ITGA9: variants seen among roughly 807,000 people sequenced by gnomAD.
The protein encoded by ITGA9 is integrin alpha-9.
ITGA9 carries 56 observed loss-of-function variants against 127.8 expected under a neutral mutation model. The observed-to-expected ratio is 0.44, with a 90% confidence interval of 0.35 to 0.55. The LOEUF (loss-of-function observed/expected upper bound fraction) is 0.55. Ranked by LOEUF, ITGA9 falls within the 20% of genes least tolerant of loss-of-function variation. The probability of loss-of-function intolerance (pLI) is 0.00; values close to 1 mark genes in which losing one functional copy is unlikely to be tolerated. For missense variants in ITGA9, 1,196 were observed against 1,347.1 expected (o/e 0.89, Z 1.76); for synonymous variants, 508 against 514.5 (o/e 0.99, Z 0.17).
intron 22 of ITGA9, among the ~76,000 whole-genome samples, chr3:37,744,798 A>G (rs186164116): frequency 6.6e-6 from 1 of 152,384 alleles, no homozygotes; most frequent in Admixed American, 6.5e-5. Context: ...TTAGTTCCTT[A>G]TAGACAATGA....
intron 23 of ITGA9, among the ~76,000 whole-genome samples, chr3:37,770,448 C>T (rs1285813674): frequency 6.6e-6 from 1 of 152,080 alleles, no homozygotes; most frequent in Non-Finnish European, 1.5e-5. Context: ...TGGGAGGAAA[C>T]CTGTGTCCTC....
intron 8 of ITGA9, among the ~76,000 whole-genome samples, chr3:37,508,918 G>A (rs780351906): frequency 2.0e-5 from 3 of 152,196 alleles, no homozygotes; most frequent in African/African-American, 7.2e-5. Context: ...CAAAGTGACT[G>A]CATGCCCTGT....
At chr3:37,750,331 T>A in intron 22 of ITGA9, 131 bp from the exon 23 acceptor site, 1 of 688,752 alleles carries the variant, frequency 1.5e-6, no homozygotes, top group Non-Finnish European at 2.6e-6. Context: ...CTTCAAGTTG[T>A]GACCTTCCAG....
intron 15 of ITGA9, among the ~76,000 whole-genome samples, chr3:37,559,109 T>G (rs967570543): frequency 2.0e-5 from 3 of 152,230 alleles, no homozygotes; most frequent in African/African-American, 7.2e-5. Context: ...ACTTTATTTC[T>G]CAAATAAATG....
Position 37,716,038 on chromosome 3 carries a change from G to A in ITGA9, c.2068-16674G>A, listed in dbSNP as rs114296980. ...GTCCCCAGGAGACAGAAAGAAGGTG[G>A]GTGACTTTGGCACCGTCTAAAGTAT... On this transcript the variant is annotated intron_variant, in intron 18 of 27. Transcript: ENST00000264741. Among the ~76,000 whole-genome samples, 848 of 152,278 alleles carry A rather than the reference G, an allele frequency of 5.6e-3. 11 individuals carry two copies. Among genetic ancestry groups the A allele is most frequent in the African/African-American group, 0.019 (801 of 41,552 alleles).
intron 16 of ITGA9, among the ~76,000 whole-genome samples, chr3:37,643,837 A>T (rs1048977884): frequency 9.9e-5 from 15 of 152,044 alleles, no homozygotes; most frequent in Non-Finnish European, 2.9e-5. Context: ...TCTTGCTGGG[A>T]TCCTCTCTGG....
chr3:37,750,350 C>G, intron 22 of ITGA9, 112 bp from the exon 23 acceptor site: 1 of 755,330 alleles, frequency 1.3e-6, no homozygotes, highest in Non-Finnish European at 2.4e-6. Context: ...AGATCCGAAC[C>G]TTAGAGTTTC....
intron 15 of ITGA9, among the ~76,000 whole-genome samples, chr3:37,584,572 C>T (rs1290883674): frequency 2.0e-5 from 3 of 152,050 alleles, no homozygotes; most frequent in East Asian, 1.9e-4. Context: ...CTGGCCAACG[C>T]GATGAAACCC....
At chr3:37,482,982 G>A (rs1698571811) in intron 4 of ITGA9, among the ~76,000 whole-genome samples, 1 of 152,168 alleles carries the variant, frequency 6.6e-6, no homozygotes, top group Non-Finnish European at 1.5e-5. Context: ...CAAAGCATGT[G>A]TCAAGCCTGG....
At chr3:37,670,373 T>C (rs749320464) in intron 17 of ITGA9, among the ~76,000 whole-genome samples, 4 of 152,184 alleles carry the variant, frequency 2.6e-5, no homozygotes, top group Non-Finnish European at 4.4e-5. Context: ...CTTAGGGTCA[T>C]TAACTCAGTC....
At chr3:37,624,530 A>G (rs1255307118) in intron 15 of ITGA9, among the ~76,000 whole-genome samples, 3 of 152,094 alleles carry the variant, frequency 2.0e-5, no homozygotes, top group Non-Finnish European at 4.4e-5. Flanking sequence ...CACGGCAGCT[A>G]CAGGGACCTT....
intron 16 of ITGA9, among the ~76,000 whole-genome samples, chr3:37,643,099 G>C (rs1465549059): frequency 1.3e-5 from 2 of 152,326 alleles, no homozygotes; most frequent in South Asian, 4.1e-4. Flanking sequence ...TCCTGAGACC[G>C]TGCAAACTGG....
chr3:37,653,734 C>CAAAAA lies in ITGA9; in HGVS notation c.1860_1861insAAAAA (p.Arg621LysfsTer29). 1 of 1,613,608 alleles carries CAAAAA rather than the reference C, an allele frequency of 6.2e-7. No homozygotes were observed. Among genetic ancestry groups the CAAAAA allele is most frequent in the South Asian group, 1.1e-5 (1 of 91,074 alleles). ...CACAGACTGTTTTTGAAAGGAATTG[C>CAAAAA]CGTTCAGAGGACTGTGCCGCAGACC... On this transcript the variant is annotated frameshift_variant, in exon 17 of 28. Coordinates refer to ENST00000264741, the MANE Select transcript of ITGA9 (RefSeq NM_002207.3). LOFTEE classifies it high-confidence loss of function.
At chr3:37,772,182 G>GAT (rs1292306215) in intron 23 of ITGA9, among the ~76,000 whole-genome samples, 1 of 152,100 alleles carries the variant, frequency 6.6e-6, no homozygotes, top group Non-Finnish European at 1.5e-5. Context: ...AAGGCAGGTG[G>GAT]ATCTCCTGAG....
intron 25 of ITGA9, among the ~76,000 whole-genome samples, chr3:37,783,280 A>T (rs932754130): frequency 2.6e-5 from 4 of 152,092 alleles, no homozygotes; most frequent in African/African-American, 9.7e-5. Context: ...AACGTTGGCA[A>T]TTATCATCAT....
intron 23 of ITGA9, among the ~76,000 whole-genome samples, chr3:37,765,012 C>T (rs1696764036): frequency 6.6e-6 from 1 of 152,146 alleles, no homozygotes; most frequent in Admixed American, 6.5e-5. Flanking sequence ...TCTTCTTCCA[C>T]CAGATTAAAA....
At position 37,653,499 on chromosome 3, in the gene ITGA9, C is replaced by T. The variant is rs543132473; in HGVS notation, c.1840-215C>T. Among the ~76,000 whole-genome samples the T allele has an allele frequency of 4.6e-5, 7 of 152,268 alleles. No individual in the cohort carries two copies. The South Asian group carries it at 1.5e-3, about 32-fold the overall frequency. On this transcript the variant is annotated intron_variant, in intron 16 of 27. Coordinates refer to ENST00000264741, the MANE Select transcript of ITGA9 (RefSeq NM_002207.3). ...TAGGGAATGAATCAAATAAGTAATG[C>T]ACTGACAAAATCAAAACCACAGTTG...
intron 17 of ITGA9, among the ~76,000 whole-genome samples, chr3:37,679,676 C>T (rs1700716802): frequency 6.6e-6 from 1 of 152,196 alleles, no homozygotes; most frequent in Non-Finnish European, 1.5e-5. Context: ...GACAGTCCTG[C>T]TGAAAGATGA....
intron 4 of ITGA9, among the ~76,000 whole-genome samples, chr3:37,492,011 A>G (rs1270916476): frequency 6.6e-6 from 1 of 152,306 alleles, no homozygotes; most frequent in East Asian, 1.9e-4. Flanking sequence ...TAATCCAATA[A>G]CACCCACTAA....
Sources: gnomAD v4.1 joint callset for allele counts (sites outside exome capture counted in the v4.1 genomes callset) on GRCh38, gnomAD v4.1.1 for gene constraint, MANE v1.5 for transcripts, NCBI Gene and HGNC (gene_info 2026-07-23, HGNC 2026-07-21) for gene names.